The following CNTN4 variants were observed in gnomAD, a reference collection of about 807,000 sequenced individuals.
CNTN4 encodes the protein contactin 4, also known as contactin-4.
A neutral mutation model predicts 122.5 loss-of-function variants in CNTN4; 77 were observed. The observed-to-expected ratio is 0.63, with a 90% CI of 0.52 to 0.76. The LOEUF (loss-of-function observed/expected upper bound fraction) is 0.76. Ranked by LOEUF, CNTN4 falls within the 30% of genes least tolerant of loss-of-function variation. The probability of loss-of-function intolerance (pLI) is 0.00; values close to 1 mark genes in which losing one functional copy is unlikely to be tolerated. For synonymous variants in CNTN4, 512 were observed against 447.0 expected, an observed-to-expected ratio of 1.15 and a Z score of -1.83; for missense variants, 1,256 against 1,259.1, an observed-to-expected ratio of 1.00 and a Z score of 0.04.
intron 4 of CNTN4, among the ~76,000 whole-genome samples, chr3:2,735,034 A>G (rs146338405): frequency 7.2e-5 from 11 of 152,364 alleles, no homozygotes; most frequent in Admixed American, 2.0e-4. Flanking sequence ...CGTGTGTTAT[A>G]TATACCACTG....
At chr3:2,833,010 T>C (rs2093136414) in intron 7 of CNTN4, among the ~76,000 whole-genome samples, 1 of 152,020 alleles carries the variant, frequency 6.6e-6, no homozygotes, top group African/African-American at 2.4e-5. Flanking sequence ...AAATACTTAG[T>C]GATAAAAAAA....
intron 2 of CNTN4, among the ~76,000 whole-genome samples, chr3:2,240,775 AATTAT>A (rs2039901318): frequency 6.6e-6 from 1 of 152,170 alleles, no homozygotes; most frequent in African/African-American, 2.4e-5. Flanking sequence ...AGATATTAAA[AATTAT>A]ATTTTAAACG....
chr3:2,950,255 T>C (rs1347684009), intron 13 of CNTN4, among the ~76,000 whole-genome samples: 2 of 152,156 alleles, frequency 1.3e-5, no homozygotes, highest in African/African-American at 4.8e-5. Context: ...GTTGCTGAAA[T>C]TTGGAGGCTG....
Position 2,613,998 on chromosome 3 carries a change from A to G in CNTN4, c.55+42440A>G, listed in dbSNP as rs774616576. On this transcript the variant is annotated intron_variant, in intron 4 of 24. Transcript: ENST00000418658. ...CAGTAATGAATGAGATAGATAAAGT[A>G]CTTTTTCTCAAAGAGCTAACATTCT... 2.0e-5 allele frequency among the ~76,000 whole-genome samples: 3 copies of G among 152,312 alleles called. No individual in the cohort carries two copies. In the East Asian group the frequency reaches 5.8e-4, roughly 29 times the overall value.
chr3:2,785,140 T>C lies in CNTN4; in HGVS notation c.359-34346T>C, dbSNP rs3905408. On this transcript the variant is annotated intron_variant, in intron 6 of 24. Transcript: ENST00000418658. ...ACACACACACACACACACACACACA[T>C]ATATATAGAGAGAGAGAGAGAGAGA... is the stretch of plus-strand genomic sequence containing the variant. Among the ~76,000 whole-genome samples the C allele has an allele frequency of 2.8e-3, 212 of 75,740 alleles. 1 individual carries two copies. In the East Asian group the frequency reaches 0.061, roughly 22 times the overall value. 49.7% of individuals were successfully genotyped at this position (75,740 alleles called of 152,430 possible).
At chr3:2,541,733 A>G (rs1205268249) in intron 3 of CNTN4, among the ~76,000 whole-genome samples, 2 of 152,146 alleles carry the variant, frequency 1.3e-5, no homozygotes, top group African/African-American at 4.8e-5. Flanking sequence ...TATATGTCAG[A>G]TTGTTCTCAG....
intron 6 of CNTN4, among the ~76,000 whole-genome samples, chr3:2,796,566 A>G (rs1333679159): frequency 2.6e-5 from 4 of 152,180 alleles, no homozygotes; most frequent in African/African-American, 7.2e-5. Context: ...TATACTCCCA[A>G]GTTTTCTCAC....
At chr3:2,512,719 G>C (rs2076924147) in intron 3 of CNTN4, among the ~76,000 whole-genome samples, 1 of 152,168 alleles carries the variant, frequency 6.6e-6, no homozygotes, top group South Asian at 2.1e-4. Flanking sequence ...GTGAACCAAA[G>C]TGAACTTAAA....
intron 3 of CNTN4, among the ~76,000 whole-genome samples, chr3:2,375,013 A>T (rs17013465): frequency 0.071 from 10,872 of 152,184 alleles, 927 homozygotes; most frequent in East Asian, 0.5. Flanking sequence ...ATTGTGTCAT[A>T]CTCTTCAAAA....
intron 3 of CNTN4, among the ~76,000 whole-genome samples, chr3:2,479,115 C>A (rs1208826045): frequency 6.6e-6 from 1 of 152,108 alleles, no homozygotes; most frequent in Non-Finnish European, 1.5e-5. Flanking sequence ...GACTAGAAAG[C>A]ATCAACCATT....
intron 4 of CNTN4, among the ~76,000 whole-genome samples, chr3:2,721,729 C>G (rs1453589623): frequency 6.6e-6 from 1 of 152,200 alleles, no homozygotes; most frequent in African/African-American, 2.4e-5. Context: ...GCCTGCTCAC[C>G]TCCTTCAAGT....
chr3:2,952,479 C>T (rs1475684467), intron 13 of CNTN4, among the ~76,000 whole-genome samples: 1 of 152,144 alleles, frequency 6.6e-6, no homozygotes, highest in East Asian at 1.9e-4. Context: ...ATGGCTCTAA[C>T]CTCTAACCAC....
intron 4 of CNTN4, among the ~76,000 whole-genome samples, chr3:2,626,008 A>T (rs1415598165): frequency 1.3e-5 from 2 of 152,156 alleles, no homozygotes; most frequent in Admixed American, 6.5e-5. Flanking sequence ...GTTTGAAATG[A>T]TATCTCAATA....
chr3:2,199,496 T>C (rs1402660107), intron 2 of CNTN4, among the ~76,000 whole-genome samples: 3 of 152,162 alleles, frequency 2.0e-5, no homozygotes, highest in Non-Finnish European at 2.9e-5. Context: ...TATAATAGAA[T>C]GAAACACCTG....
intron 3 of CNTN4, among the ~76,000 whole-genome samples, chr3:2,570,565 C>A (rs74593102): frequency 6.6e-6 from 1 of 152,058 alleles, no homozygotes; most frequent in Non-Finnish European, 1.5e-5. Flanking sequence ...TTTGAAAAGT[C>A]GTAGATGCCC....
At chr3:2,712,744 C>T (rs1435764011) in intron 4 of CNTN4, among the ~76,000 whole-genome samples, 3 of 152,170 alleles carry the variant, frequency 2.0e-5, no homozygotes, top group Non-Finnish European at 4.4e-5. Context: ...ACTTTCAACC[C>T]CAACCTTTGG....
At chr3:2,903,098 A>G (rs542529229) in intron 12 of CNTN4, 93 bp downstream of exon 12, 2 of 1,300,606 alleles carry the variant, frequency 1.5e-6, no homozygotes, top group Non-Finnish European at 2.2e-6. Flanking sequence ...TCAATCCAAG[A>G]AAAGGAGTAA....
intron 6 of CNTN4, among the ~76,000 whole-genome samples, chr3:2,745,920 TTGTA>T (rs1229199105): frequency 6.6e-6 from 1 of 152,164 alleles, no homozygotes; most frequent in Non-Finnish European, 1.5e-5. Flanking sequence ...AGATAGTTGA[TTGTA>T]TGATAATTTG....
chr3:2,402,842 G>C (rs959048560), intron 3 of CNTN4, among the ~76,000 whole-genome samples: 1 of 152,088 alleles, frequency 6.6e-6, no homozygotes, highest in African/African-American at 2.4e-5. Context: ...AGTTCTTTAA[G>C]CAGGTTATAC....
Sources: allele counts gnomAD v4.1 joint callset (sites outside exome capture counted in the v4.1 genomes callset), GRCh38; gene constraint gnomAD v4.1.1; transcripts MANE v1.5; gene names NCBI Gene and HGNC (gene_info 2026-07-23, HGNC 2026-07-21).